ADH4: variants seen among roughly 807,000 people sequenced by gnomAD.
The protein encoded by ADH4 is alcohol dehydrogenase 4 (class II), pi polypeptide, also known as all-trans-retinol dehydrogenase [NAD(+)] ADH4.
ADH4 carries 31 observed loss-of-function variants against 35.2 expected under a neutral mutation model. That is an observed-to-expected ratio of 0.88 (90% CI 0.66 to 1.19). The LOEUF (loss-of-function observed/expected upper bound fraction) is 1.19, where lower values mean the gene tolerates loss of function less well. Among genes scored for constraint, ADH4 ranks in the 50% most tolerant of loss-of-function variants. The pLI, the probability that ADH4 is intolerant of heterozygous loss-of-function variation, is 0.00. For missense variants in ADH4, 476 were observed against 458.3 expected, an observed-to-expected ratio of 1.04 and a Z score of -0.35; for synonymous variants, 171 against 160.2, an observed-to-expected ratio of 1.07 and a Z score of -0.51.
chr4:99,125,896 G>A (rs1288538128), intron 8 of ADH4, among the ~76,000 whole-genome samples: 2 of 151,834 alleles, frequency 1.3e-5, no homozygotes, highest in African/African-American at 2.4e-5. Context: ...TTGGTCCTGC[G>A]TCTCCTCTAT....
rs563181401 is a variant in ADH4 at position 99,131,108 on chromosome 4, G to GA, written c.843+395dup. ...AAGGAACATTTCTCTAATTAAAAATGAAAAAACCCCTAAAATTGTCTCCAA... is the reference window on the plus strand; with the variant it reads ...AAGGAACATTTCTCTAATTAAAAATGAAAAAAACCCCTAAAATTGTCTCCAA... On this transcript the variant is annotated intron_variant, in intron 6 of 8. Transcript: ENST00000265512. 3.1e-3 allele frequency among the ~76,000 whole-genome samples: 472 copies of GA among 152,118 alleles called. 7 individuals carry two copies. Among genetic ancestry groups the GA allele is most frequent in the African/African-American group, 0.011 (454 of 41,532 alleles).
At position 99,141,408 on chromosome 4, in the gene ADH4, C is replaced by T. The variant is rs1729610977; in HGVS notation, c.262+133G>A. On this transcript the variant is annotated intron_variant, in intron 3 of 8. Transcript: ENST00000265512. ...TGCTAGACTGTGATAAATTGTGTCT[C>T]TCGTTTTACTTTGGAAAAGATGGTC... 1.1e-5 allele frequency: 9 copies of T among 823,034 alleles called. No individual in the cohort carries two copies. In the South Asian group the frequency reaches 2.0e-4, roughly 19 times the overall value. 51.0% of individuals were successfully genotyped at this position (823,034 alleles called of 1,614,324 possible).
Position 99,143,827 on chromosome 4 carries a change from A to G in ADH4, c.18+378T>C, listed in dbSNP as rs969453719. ...GATGCAGATTCTTCGAGTATCCCCA[A>G]ATAAGATACATTGTCCATAGTATTT... On this transcript the variant is annotated intron_variant, in intron 1 of 8. Coordinates refer to ENST00000265512, the MANE Select transcript of ADH4 (RefSeq NM_000670.5). Among the ~76,000 whole-genome samples the G allele has an allele frequency of 3.9e-5, 6 of 152,276 alleles. No homozygotes were observed. The South Asian group carries it at 1.2e-3, about 32-fold the overall frequency.
Position 99,136,576 on chromosome 4 carries a change from C to T in ADH4, c.472G>A (p.Val158Met). ...GTSTFSQYTV[V>M]SDINLAKIDD... Reference sequence around the variant, plus strand: ...ATTTTGGCAAGATTGATATCTGACACCACAGTGTACTGAGAGAATGTACTG... The same window carrying T: ...ATTTTGGCAAGATTGATATCTGACATCACAGTGTACTGAGAGAATGTACTG... The change falls in exon 5 of 9, where the codon GTG becomes ATG. Residue 158 changes from valine to methionine, a missense_variant. Physicochemically the swap from Val to Met is conservative, Grantham distance 21 (BLOSUM62 1). Transcript: ENST00000265512. 6.2e-7 allele frequency: 1 copy of T among 1,614,038 alleles called. No homozygotes were observed. Among genetic ancestry groups the T allele is most frequent in the Non-Finnish European group, 8.5e-7 (1 of 1,179,932 alleles).
chr4:99,128,717 A>T lies in ADH4; in HGVS notation c.844-1373T>A, dbSNP rs185596156. Among the ~76,000 whole-genome samples, 870 of 152,248 alleles carry T rather than the reference A, an allele frequency of 5.7e-3. 13 individuals carry two copies. Among genetic ancestry groups the T allele is most frequent in the Non-Finnish European group, 8.8e-3 (600 of 68,016 alleles). ...CATCTATAAAATGCTTACATCTAAC[A>T]GTTCAGGATTTCTTGCTTTCTAAGT... On this transcript the variant is annotated intron_variant, in intron 6 of 8. Transcript: ENST00000265512.
chr4:99,135,675 CTG>C (rs1180639857), intron 5 of ADH4, among the ~76,000 whole-genome samples: 1 of 152,164 alleles, frequency 6.6e-6, no homozygotes, highest in Non-Finnish European at 1.5e-5. Flanking sequence ...TAGGAAGTCA[CTG>C]TAGCCTACTG....
At chr4:99,126,777 C>T (rs769307421) in intron 7 of ADH4, 45 bp from the exon 8 acceptor site, 2 of 1,544,738 alleles carry the variant, frequency 1.3e-6, no homozygotes, top group East Asian at 2.3e-5. Context: ...GCACTTGACA[C>T]GAAGTAGTTT....
At chr4:99,128,358 C>T (rs1003284684) in intron 6 of ADH4, among the ~76,000 whole-genome samples, 1 of 152,176 alleles carries the variant, frequency 6.6e-6, no homozygotes, top group African/African-American at 2.4e-5. Flanking sequence ...ATTGCTTGAG[C>T]CCAGGAGGTG....
chr4:99,131,845 G>T (rs1729286680), intron 5 of ADH4, 81 bp from the exon 6 acceptor site: 26 of 1,439,576 alleles, frequency 1.8e-5, no homozygotes, highest in Non-Finnish European at 2.1e-5. Flanking sequence ...AGGAAGTGGG[G>T]GCATGAACAT....
chr4:99,141,482 T>C, intron 3 of ADH4, 59 bp downstream of exon 3: 1 of 1,516,998 alleles, frequency 6.6e-7, no homozygotes, highest in Non-Finnish European at 8.9e-7. Context: ...CAGGACTCTA[T>C]CAATAATTAT....
intron 6 of ADH4, among the ~76,000 whole-genome samples, chr4:99,128,567 C>CT (rs1729169675): frequency 2.0e-5 from 3 of 151,974 alleles, no homozygotes; most frequent in African/African-American, 7.3e-5. Context: ...TATAAGTGGA[C>CT]TTTTTGTGTA....
chr4:99,144,277 C>T lies in ADH4; in HGVS notation c.-55G>A. The T allele has an allele frequency of 2.6e-6, 4 of 1,567,896 alleles. No homozygotes were observed. The South Asian group carries it at 4.4e-5, about 17-fold the overall frequency. ...CTTTCTGAGTTAAGAAAGCTTCAAA[C>T]TCCTACCCAGGGAGTTCCGTGTCCT... On this transcript the variant is annotated 5_prime_UTR_variant, in exon 1 of 9. Coordinates refer to ENST00000265512, the MANE Select transcript of ADH4 (RefSeq NM_000670.5).
intron 5 of ADH4, among the ~76,000 whole-genome samples, chr4:99,132,957 A>G (rs1297148484): frequency 6.6e-6 from 1 of 152,212 alleles, no homozygotes; most frequent in African/African-American, 2.4e-5. Flanking sequence ...AAATATGTAT[A>G]TATATTGCAA....
At chr4:99,136,367 G>T in intron 5 of ADH4, 99 bp downstream of exon 5, 1 of 968,762 alleles carries the variant, frequency 1.0e-6, no homozygotes, top group Non-Finnish European at 1.6e-6. Context: ...GGTAATAAAT[G>T]ACACAGCCAC....
At chr4:99,137,151 G>A (rs1252141465) in intron 4 of ADH4, among the ~76,000 whole-genome samples, 6 of 147,830 alleles carry the variant, frequency 4.1e-5, no homozygotes, top group South Asian at 2.1e-4. Context: ...TTTTTGAGAC[G>A]GAGTCTTGCT....
chr4:99,132,670 G>T (rs1729323727), intron 5 of ADH4, among the ~76,000 whole-genome samples: 1 of 152,112 alleles, frequency 6.6e-6, no homozygotes, highest in East Asian at 1.9e-4. Context: ...AAGATGGTAA[G>T]AAAAGATGCT....
Position 99,142,782 on chromosome 4 carries a change from T to A in ADH4, c.19-2A>T. 6.3e-7 allele frequency: 1 copy of A among 1,594,000 alleles called. No individual in the cohort carries two copies. On this transcript the variant is annotated splice_acceptor_variant, in intron 1 of 8. Coordinates refer to ENST00000265512, the MANE Select transcript of ADH4 (RefSeq NM_000670.5). LOFTEE classifies it high-confidence loss of function. ...GATGGCTGCTTTGCATTTAATAACC[T>A]GAAAGAGAGAAAGAAAAGGAAGAGG... is the stretch of plus-strand genomic sequence containing the variant.
chr4:99,127,412 G>T, intron 6 of ADH4, 68 bp from the exon 7 acceptor site: 1 of 1,323,852 alleles, frequency 7.6e-7, no homozygotes, highest in Non-Finnish European at 1.0e-6. Context: ...GTGTGGCAAT[G>T]TACAATGCTT....
chr4:99,131,855 T>C, intron 5 of ADH4, 91 bp from the exon 6 acceptor site: 1 of 1,388,426 alleles, frequency 7.2e-7, no homozygotes, highest in Non-Finnish European at 9.6e-7. Flanking sequence ...GGCATGAACA[T>C]ATGAATTAAA....
Sources: allele counts gnomAD v4.1 joint callset (sites outside exome capture counted in the v4.1 genomes callset), GRCh38; gene constraint gnomAD v4.1.1; transcripts MANE v1.5; gene names NCBI Gene and HGNC (gene_info 2026-07-23, HGNC 2026-07-21).